The following PPP1R13B variants were observed in gnomAD, a reference collection of about 807,000 sequenced individuals.
The protein encoded by PPP1R13B is protein phosphatase 1 regulatory subunit 13B, also known as apoptosis-stimulating of p53 protein 1.
In PPP1R13B, 44 loss-of-function variants were observed where a neutral mutation model predicts 119.8. That is an observed-to-expected ratio of 0.37 (90% CI 0.29 to 0.47). PPP1R13B has a LOEUF of 0.47. Among genes scored for constraint, PPP1R13B ranks in the 20% least tolerant of loss-of-function variants. The pLI is 0.99. For missense variants in PPP1R13B, 1,227 were observed against 1,413.5 expected (o/e 0.87, Z 2.12); for synonymous variants, 542 against 561.5 (o/e 0.97, Z 0.49).
At chr14:103,789,412 C>T (rs1474980226) in intron 2 of PPP1R13B, among the ~76,000 whole-genome samples, 1 of 151,780 alleles carries the variant, frequency 6.6e-6, no homozygotes, top group Non-Finnish European at 1.5e-5. Context: ...GATGGGGTTT[C>T]ACCACGTTGA....
intron 6 of PPP1R13B, 44 bp from the exon 7 acceptor site, chr14:103,753,240 C>CG (rs770043373): frequency 1.4e-6 from 2 of 1,467,270 alleles, no homozygotes; most frequent in Non-Finnish European, 9.0e-7. Flanking sequence ...TTTAGTTGAT[C>CG]CTTTTTTTTT....
At chr14:103,821,252 T>C (rs1380350137) in intron 1 of PPP1R13B, among the ~76,000 whole-genome samples, 6 of 152,214 alleles carry the variant, frequency 3.9e-5, no homozygotes, top group African/African-American at 1.4e-4. Flanking sequence ...AAAGGAGGTC[T>C]GTAAAATGTC....
At chr14:103,791,523 G>A (rs1351943379) in intron 2 of PPP1R13B, among the ~76,000 whole-genome samples, 1 of 152,152 alleles carries the variant, frequency 6.6e-6, no homozygotes, top group Non-Finnish European at 1.5e-5. Flanking sequence ...TCAGGAATTC[G>A]AGACCAGCCT....
rs149377639 is a variant in PPP1R13B at position 103,733,308 on chromosome 14, T to C, written c.*1846A>G. ...GCTAAACTATTTTTAGCATAATATA[T>C]ACCATTTTTATGAGTTCGCAGGTCT... On this transcript the variant is annotated 3_prime_UTR_variant, in exon 17 of 17. Transcript: ENST00000202556. 3.0e-5 allele frequency: 11 copies of C among 364,566 alleles called. No individual in the cohort carries two copies. The highest frequency in any genetic ancestry group is 2.1e-4 in the African/African-American group (10 of 47,724). The allele number at this position is 364,566 out of a possible 1,614,324, so 22.6% of individuals were successfully genotyped here. A position where few individuals can be genotyped will look rare whatever the true frequency, so the allele number is the denominator to read the frequency against.
intron 4 of PPP1R13B, among the ~76,000 whole-genome samples, chr14:103,768,906 T>C (rs1050457554): frequency 2.7e-4 from 41 of 152,304 alleles, no homozygotes; most frequent in African/African-American, 9.4e-4. Context: ...TTTATACATG[T>C]ACATATATTT....
Position 103,739,914 on chromosome 14 carries a change from C to A in PPP1R13B, c.2502G>T (p.Pro834=). ...VATVPTTEQI[P]SPVAEAPSPG... is the part of the protein sequence containing the mutation. Reference sequence around the variant, plus strand: ...GAGATGGGGCCTCAGCCACAGGACTCGGGATCTGCTCCGTGGTGGGGACCG... The same window carrying A: ...GAGATGGGGCCTCAGCCACAGGACTAGGGATCTGCTCCGTGGTGGGGACCG... Residue 834 remains proline (P), a synonymous_variant, in exon 12 of 17, where the codon CCG becomes CCT. Coordinates refer to ENST00000202556, the MANE Select transcript of PPP1R13B (RefSeq NM_015316.3). 1 of 1,614,032 alleles carries A rather than the reference C, an allele frequency of 6.2e-7. No homozygotes were observed. The highest frequency in any genetic ancestry group is 1.1e-5 in the South Asian group (1 of 91,074).
Position 103,740,571 on chromosome 14 carries a change from AGG to A in PPP1R13B, c.1843_1844del (p.Pro615PhefsTer31). 1 of 1,537,602 alleles carries A rather than the reference AGG, an allele frequency of 6.5e-7. No homozygotes were observed. On this transcript the variant is annotated frameshift_variant, in exon 12 of 17. Coordinates refer to ENST00000202556, the MANE Select transcript of PPP1R13B (RefSeq NM_015316.3). LOFTEE classifies it high-confidence loss of function. The surrounding 1 kb of genome is among the most constrained non-coding windows in gnomAD (Gnocchi z 4.6). ...VKAVYGKPVL[P>X]SGSTSPSPLP... ...GCGGCGATGGAGAGGTTGAACCCGA[AGG>A]TAAAACGGGCTTACCATACACTGGG... is the stretch of plus-strand genomic sequence containing the variant.
chr14:103,800,539 A>T (rs1275494708), intron 1 of PPP1R13B, among the ~76,000 whole-genome samples: 1 of 151,878 alleles, frequency 6.6e-6, no homozygotes, highest in Non-Finnish European at 1.5e-5. Flanking sequence ...CTCTAGTCCC[A>T]GCTACTCAGG....
At chr14:103,747,479 C>A (rs556941468) in intron 8 of PPP1R13B, 71 of 151,976 alleles carry the variant, frequency 4.7e-4, no homozygotes, top group African/African-American at 1.7e-3. Flanking sequence ...AAATACCAGA[C>A]GACATGTTGC....
intron 2 of PPP1R13B, among the ~76,000 whole-genome samples, chr14:103,794,308 G>T (rs948544107): frequency 2.7e-5 from 4 of 146,698 alleles, no homozygotes; most frequent in African/African-American, 1.0e-4. Context: ...AGCAGTTATG[G>T]GGGCAGTAAT....
intron 1 of PPP1R13B, among the ~76,000 whole-genome samples, chr14:103,814,165 A>G (rs2086223164): frequency 6.6e-6 from 1 of 152,156 alleles, no homozygotes; most frequent in Non-Finnish European, 1.5e-5. Context: ...CCTGGCCAAC[A>G]TGGTGAAACC....
intron 1 of PPP1R13B, among the ~76,000 whole-genome samples, chr14:103,834,139 C>A (rs950813966): frequency 3.9e-5 from 6 of 152,316 alleles, no homozygotes; most frequent in Non-Finnish European, 8.8e-5. Flanking sequence ...CTTTGGGAGG[C>A]CAAGGCGTGT....
intron 3 of PPP1R13B, among the ~76,000 whole-genome samples, chr14:103,784,343 G>A (rs930890171): frequency 1.1e-4 from 17 of 152,090 alleles, no homozygotes; most frequent in Admixed American, 7.2e-4. Context: ...AGAACTCTGG[G>A]AGGCTGAGGT....
At chr14:103,761,971 T>C (rs897865353) in intron 4 of PPP1R13B, among the ~76,000 whole-genome samples, 1 of 152,222 alleles carries the variant, frequency 6.6e-6, no homozygotes, top group Non-Finnish European at 1.5e-5. Context: ...GGCATACATA[T>C]GCCAAGTGCC....
At chr14:103,801,648 C>T (rs1360636508) in intron 1 of PPP1R13B, among the ~76,000 whole-genome samples, 1 of 152,140 alleles carries the variant, frequency 6.6e-6, no homozygotes, top group African/African-American at 2.4e-5. Context: ...CAATGACTCC[C>T]TCCCTTTATA....
intron 1 of PPP1R13B, among the ~76,000 whole-genome samples, chr14:103,831,256 T>C (rs1306339151): frequency 6.6e-6 from 1 of 151,900 alleles, no homozygotes; most frequent in Non-Finnish European, 1.5e-5. Flanking sequence ...AGTAATATTT[T>C]TTATATAATG....
intron 15 of PPP1R13B, chr14:103,737,020 A>G (rs963221801): frequency 6.6e-6 from 1 of 152,338 alleles, no homozygotes; most frequent in Non-Finnish European, 1.5e-5. Flanking sequence ...CTCATTCATC[A>G]AATGTTTCCG....
chr14:103,842,989 A>G (rs2086944046), intron 1 of PPP1R13B, among the ~76,000 whole-genome samples: 1 of 152,028 alleles, frequency 6.6e-6, no homozygotes, highest in Non-Finnish European at 1.5e-5. Context: ...AACAAACAAA[A>G]AAAGTATCTT....
chr14:103,814,377 A>T (rs147917452), intron 1 of PPP1R13B, among the ~76,000 whole-genome samples: 1 of 152,220 alleles, frequency 6.6e-6, no homozygotes, highest in South Asian at 2.1e-4. Context: ...AATAAATAAA[A>T]TAATAATTTG....
Sources: allele counts gnomAD v4.1 joint callset (sites outside exome capture counted in the v4.1 genomes callset), GRCh38; gene constraint gnomAD v4.1.1; non-coding constraint Gnocchi (gnomAD v3.1); transcripts MANE v1.5; gene names NCBI Gene and HGNC (gene_info 2026-07-23, HGNC 2026-07-21).